ITCH: variants seen among roughly 807,000 people sequenced by gnomAD.
ITCH encodes itchy E3 ubiquitin protein ligase.
ITCH carries 28 observed loss-of-function variants against 126.8 expected under a neutral mutation model. That is an observed-to-expected ratio of 0.22 (90% confidence interval 0.16 to 0.30). The LOEUF is 0.30. ITCH is among the 10% of genes least tolerant of loss of function. ITCH has a pLI of 1.00. For synonymous variants in ITCH, 342 were observed against 340.0 expected (o/e 1.01, Z -0.06); for missense variants, 631 against 1,032.4 (o/e 0.61, Z 5.33).
At chr20:34,391,284 C>T (rs1305899757) in intron 2 of ITCH, among the ~76,000 whole-genome samples, 1 of 152,122 alleles carries the variant, frequency 6.6e-6, no homozygotes, top group Non-Finnish European at 1.5e-5. Context: ...TACACAGGTG[C>T]CCTCCTCCTG....
At chr20:34,450,953 A>G (rs987381543) in intron 12 of ITCH, 1 of 152,248 alleles carries the variant, frequency 6.6e-6, no homozygotes, top group Non-Finnish European at 1.5e-5. Flanking sequence ...GGCTATACAT[A>G]TAACTGTTAC....
chr20:34,480,502 C>A (rs950917907), intron 18 of ITCH, 97 bp from the exon 19 acceptor site: 17 of 1,440,010 alleles, frequency 1.2e-5, no homozygotes, highest in Non-Finnish European at 1.5e-5. Context: ...ATGCCTGACC[C>A]AGGGAAGTGT....
At chr20:34,412,035 T>G (rs890470759) in intron 4 of ITCH, among the ~76,000 whole-genome samples, 30 of 152,246 alleles carry the variant, frequency 2.0e-4, no homozygotes, top group African/African-American at 6.8e-4. Flanking sequence ...CACATTACAG[T>G]TCTGCTACTT....
chr20:34,382,980 G>T (rs1327931980), intron 2 of ITCH, among the ~76,000 whole-genome samples: 9 of 151,964 alleles, frequency 5.9e-5, no homozygotes. Flanking sequence ...CTGACCTTGT[G>T]ATCCGCCTGC....
intron 16 of ITCH, chr20:34,476,015 CAG>C (rs1988184089): frequency 6.3e-7 from 1 of 1,592,590 alleles, no homozygotes; most frequent in South Asian, 1.1e-5. Context: ...TTTTGTCAAA[CAG>C]ATTTGGCAGC....
At chr20:34,501,159 T>C (rs912624022) in intron 23 of ITCH, among the ~76,000 whole-genome samples, 2 of 152,196 alleles carry the variant, frequency 1.3e-5, no homozygotes, top group East Asian at 1.9e-4. Context: ...AGGTGGTGTA[T>C]GTAATTCTTT....
intron 23 of ITCH, among the ~76,000 whole-genome samples, chr20:34,498,523 A>C (rs1990033796): frequency 6.6e-6 from 1 of 152,082 alleles, no homozygotes; most frequent in Admixed American, 6.5e-5. Flanking sequence ...TAACTTGTTG[A>C]GAGTTTTTCT....
At chr20:34,432,773 T>C (rs1982481633) in intron 7 of ITCH, among the ~76,000 whole-genome samples, 1 of 151,440 alleles carries the variant, frequency 6.6e-6, no homozygotes. Flanking sequence ...CTGGGTGACA[T>C]GGCGAAACCC....
At chr20:34,421,594 T>TTTG (rs35405455) in intron 6 of ITCH, among the ~76,000 whole-genome samples, 46,102 of 151,564 alleles carry the variant, frequency 0.3, 8,924 homozygotes, top group Non-Finnish European at 0.43. Flanking sequence ...GTGTTAGATT[T>TTTG]TTGTTGTTGT....
At chr20:34,401,615 C>A (rs1435117533) in intron 3 of ITCH, 31 of 981,096 alleles carry the variant, frequency 3.2e-5, no homozygotes, top group Non-Finnish European at 3.4e-5. Context: ...TCCTAAAAGC[C>A]CCAGATGGGG....
At position 34,480,764 on chromosome 20, in the gene ITCH, ATATAGT is replaced by A. The variant is rs766369182; in HGVS notation, c.1952+37_1952+42del. 4.1e-6 allele frequency: 6 copies of A among 1,481,422 alleles called. No individual in the cohort carries two copies. The South Asian group carries it at 4.6e-5, about 11-fold the overall frequency. The allele number at this position is 1,481,422 out of a possible 1,614,324, so 91.8% of individuals were successfully genotyped here. On this transcript the variant is annotated intron_variant, in intron 19 of 24. Transcript: ENST00000374864. ...TTCTTTTTCCATGTAATTTATTAAA[ATATAGT>A]TATATGCATTCCGTGTAGTATTGAT... is the stretch of plus-strand genomic sequence containing the variant.
At chr20:34,372,851 T>C (rs2037692617) in intron 2 of ITCH, among the ~76,000 whole-genome samples, 1 of 152,210 alleles carries the variant, frequency 6.6e-6, no homozygotes, top group Admixed American at 6.6e-5. Flanking sequence ...GAAAACAGAC[T>C]TCCTTGCCAG....
At chr20:34,430,145 C>G (rs6059831) in intron 7 of ITCH, among the ~76,000 whole-genome samples, 1 of 152,254 alleles carries the variant, frequency 6.6e-6, no homozygotes, top group South Asian at 2.1e-4. Flanking sequence ...TCAGTTAGTC[C>G]TTAAACGTTT....
At position 34,445,335 on chromosome 20, in the gene ITCH, T is replaced by C. The variant is rs142268366; in HGVS notation, c.1014T>C (p.His338=). Reference sequence around the variant, plus strand: ...TGGGACGTATTTATTATGTTGACCATTTCACAAGAACAACAACGTGGCAGA... The same window carrying C: ...TGGGACGTATTTATTATGTTGACCACTTCACAAGAACAACAACGTGGCAGA... The part of the protein sequence containing the change: ...DNMGRIYYVD[H]FTRTTTWQRP... Residue 338 remains histidine (H), a synonymous_variant, in exon 11 of 25, where the codon CAT becomes CAC. Coordinates refer to ENST00000374864, the MANE Select transcript of ITCH (RefSeq NM_031483.7). The C allele has an allele frequency of 6.2e-7, 1 of 1,612,184 alleles. No individual in the cohort carries two copies. The highest frequency in any genetic ancestry group is 1.7e-4 in the Middle Eastern group (1 of 6,054).
At chr20:34,389,730 C>T (rs1417644260) in intron 2 of ITCH, among the ~76,000 whole-genome samples, 1 of 152,122 alleles carries the variant, frequency 6.6e-6, no homozygotes, top group African/African-American at 2.4e-5. Flanking sequence ...GGTCATGTTT[C>T]AGACTTTATT....
In ITCH at chr20:34,477,872, A is replaced by G. The variant is rs1988381971; in HGVS notation, c.1658+12A>G. On this transcript the variant is annotated intron_variant, in intron 17 of 24. Transcript: ENST00000374864. ...GGAGGTGTAGCAAGGTAGTGATAAT[A>G]TGAATACTCAGAACTTAGTTCCTTT... The G allele has an allele frequency of 1.2e-6, 2 of 1,613,210 alleles. No individual in the cohort carries two copies. Among genetic ancestry groups the G allele is most frequent in the Non-Finnish European group, 1.7e-6 (2 of 1,179,254 alleles).
At chr20:34,484,521 A>G (rs1156956610) in intron 20 of ITCH, among the ~76,000 whole-genome samples, 1 of 152,206 alleles carries the variant, frequency 6.6e-6, no homozygotes, top group Non-Finnish European at 1.5e-5. Flanking sequence ...TTCTTATGAC[A>G]TATATAGCAT....
chr20:34,383,380 T>G lies in ITCH; in HGVS notation c.-21-10411T>G, dbSNP rs1015279952. Among the ~76,000 whole-genome samples, 11 of 150,726 alleles carry G rather than the reference T, an allele frequency of 7.3e-5. No individual in the cohort carries two copies. The East Asian group carries it at 1.4e-3, about 19-fold the overall frequency. On this transcript the variant is annotated intron_variant, in intron 2 of 24. Coordinates refer to ENST00000374864, the MANE Select transcript of ITCH (RefSeq NM_031483.7). ...TTGATAGATTTTTTTTTTTTTTTTT[T>G]TTTGAGACAGAGTTTTGCTCTTGTT...
At chr20:34,485,987 G>A (rs1295758389) in intron 20 of ITCH, among the ~76,000 whole-genome samples, 1 of 152,058 alleles carries the variant, frequency 6.6e-6, no homozygotes, top group Non-Finnish European at 1.5e-5. Context: ...TTCCAACTAA[G>A]TATTTCTTTA....
Sources: allele counts gnomAD v4.1 joint callset (sites outside exome capture counted in the v4.1 genomes callset), GRCh38; gene constraint gnomAD v4.1.1; transcripts MANE v1.5; gene names NCBI Gene and HGNC (gene_info 2026-07-23, HGNC 2026-07-21).